COL26A1: variants seen among roughly 807,000 people sequenced by gnomAD.
The protein encoded by COL26A1 is collagen alpha-1(XXVI) chain.
A neutral mutation model predicts 59.3 loss-of-function variants in COL26A1; 41 were observed. The observed-to-expected ratio is 0.69, with a 90% CI of 0.54 to 0.90. COL26A1 has a LOEUF of 0.90. COL26A1 is among the 40% of genes least tolerant of loss of function. The pLI is 0.00. For missense variants in COL26A1, 612 were observed against 602.3 expected (o/e 1.02, Z -0.17); for synonymous variants, 266 against 256.0 (o/e 1.04, Z -0.37).
intron 7 of COL26A1, 26 bp from the exon 8 acceptor site, chr7:101,547,130 C>T: frequency 6.5e-7 from 1 of 1,544,622 alleles, no homozygotes; most frequent in Non-Finnish European, 8.8e-7. Flanking sequence ...CCCACCAGAC[C>T]CCTGGCCGCT....
chr7:101,385,850 G>A (rs1357790092), intron 1 of COL26A1, among the ~76,000 whole-genome samples: 3 of 151,810 alleles, frequency 2.0e-5, no homozygotes, highest in African/African-American at 7.3e-5. Flanking sequence ...GACTACAGGC[G>A]CCCACCACCA....
rs975287225 is a variant in COL26A1, at chr7:101,414,312, C to T, written c.159-5665C>T. The stretch of plus-strand genomic sequence containing the variant: ...AGTGTGGTTCAGAGATGCTGGACGA[C>T]GGCCTGTCTGTTCTAGAACCCTCGG... On this transcript the variant is annotated intron_variant, in intron 1 of 12. Coordinates refer to ENST00000313669, the MANE Select transcript of COL26A1 (RefSeq NM_001278563.3). 3.9e-5 allele frequency among the ~76,000 whole-genome samples: 6 copies of T among 152,178 alleles called. No individual in the cohort carries two copies. In the East Asian group the frequency reaches 5.8e-4, roughly 15 times the overall value.
chr7:101,493,783 AT>A (rs1794519906), intron 3 of COL26A1, among the ~76,000 whole-genome samples: 1 of 139,574 alleles, frequency 7.2e-6, no homozygotes, highest in Non-Finnish European at 1.6e-5. Flanking sequence ...AAAAAAAAAA[AT>A]TAGCCGGGCG....
intron 1 of COL26A1, among the ~76,000 whole-genome samples, chr7:101,378,914 T>A (rs1487035257): frequency 1.3e-5 from 2 of 152,014 alleles, no homozygotes; most frequent in Admixed American, 1.3e-4. Context: ...TGTTGCAGGA[T>A]GTCTGCGGCT....
At position 101,551,238 on chromosome 7, in the gene COL26A1, T is replaced by TTGGGGGGGGGGC; in HGVS notation, c.1029+96_1029+97insGGGGGGGGGGCT. On this transcript the variant is annotated intron_variant, in intron 10 of 12. Coordinates refer to ENST00000313669, the MANE Select transcript of COL26A1 (RefSeq NM_001278563.3). The stretch of plus-strand genomic sequence containing the variant: ...TGGGTGGCGGGGGTTGGTGGGGGGG[T>TTGGGGGGGGGGC]TCAGCCCTGGGTGGCCCTGCTGGAG... 5 of 491,350 alleles carry TTGGGGGGGGGGC rather than the reference T, an allele frequency of 1.0e-5. No homozygotes were observed. In the East Asian group the frequency reaches 1.6e-4, roughly 15 times the overall value. The allele number at this position is 491,350 out of a possible 1,614,324, so 30.4% of individuals were successfully genotyped here. A position where few individuals can be genotyped will look rare whatever the true frequency, so the allele number is the denominator to read the frequency against.
intron 1 of COL26A1, among the ~76,000 whole-genome samples, chr7:101,390,452 G>T (rs558452863): frequency 1.3e-5 from 2 of 152,082 alleles, no homozygotes; most frequent in Non-Finnish European, 2.9e-5. Context: ...GTGAGACAGG[G>T]TCTTGCTCTG....
At chr7:101,392,926 C>T (rs193184802) in intron 1 of COL26A1, among the ~76,000 whole-genome samples, 1 of 150,334 alleles carries the variant, frequency 6.7e-6, no homozygotes, top group Non-Finnish European at 1.5e-5. Flanking sequence ...GAATATGCTA[C>T]TTTACATGGT....
At chr7:101,497,365 G>C (rs1419717196) in intron 3 of COL26A1, among the ~76,000 whole-genome samples, 1 of 152,104 alleles carries the variant, frequency 6.6e-6, no homozygotes, top group East Asian at 1.9e-4. Context: ...CAGGCGCTGG[G>C]CTGAGCCTCT....
At chr7:101,490,091 C>G (rs1319301720) in intron 3 of COL26A1, among the ~76,000 whole-genome samples, 1 of 151,194 alleles carries the variant, frequency 6.6e-6, no homozygotes, top group East Asian at 2.0e-4. Flanking sequence ...CACCTGCCAC[C>G]ACACATGGGT....
intron 4 of COL26A1, 32 bp from the exon 5 acceptor site, chr7:101,539,860 CT>C: frequency 6.3e-7 from 1 of 1,595,540 alleles, no homozygotes; most frequent in Non-Finnish European, 8.5e-7. Flanking sequence ...TCAGGCCCAA[CT>C]GGGACCTGAC....
At chr7:101,462,620 A>G (rs1365345701) in intron 3 of COL26A1, among the ~76,000 whole-genome samples, 2 of 152,102 alleles carry the variant, frequency 1.3e-5, no homozygotes, top group African/African-American at 4.8e-5. Flanking sequence ...CCCGGCCTTA[A>G]CTTCATGTAT....
chr7:101,404,862 ACTGCACCCCAGC>A (rs1284236240), intron 1 of COL26A1, among the ~76,000 whole-genome samples: 2 of 152,206 alleles, frequency 1.3e-5, no homozygotes, highest in East Asian at 3.8e-4. Context: ...TGATCATGCC[ACTGCACCCCAGC>A]CTGGGTCACA....
At chr7:101,386,224 C>A (rs1791570698) in intron 1 of COL26A1, among the ~76,000 whole-genome samples, 1 of 149,898 alleles carries the variant, frequency 6.7e-6, no homozygotes, top group Non-Finnish European at 1.5e-5. Flanking sequence ...AGTGTCTGCC[C>A]TGAGCAGGCC....
rs555078724 is a variant in COL26A1, at chr7:101,535,099, C to T, written c.447+1956C>T. Among the ~76,000 whole-genome samples, 22 of 152,298 alleles carry T rather than the reference C, an allele frequency of 1.4e-4. 1 individual carries two copies. The South Asian group carries it at 4.3e-3, about 30-fold the overall frequency. On this transcript the variant is annotated intron_variant, in intron 4 of 12. Coordinates refer to ENST00000313669, the MANE Select transcript of COL26A1 (RefSeq NM_001278563.3). ...CCTTGTCCTCCAGCCCTTCCATGGG[C>T]GGGCAGGGTCTCCCAGCAGCCCAGG...
chr7:101,418,503 C>G (rs930025123), intron 1 of COL26A1, among the ~76,000 whole-genome samples: 1 of 152,216 alleles, frequency 6.6e-6, no homozygotes, highest in Non-Finnish European at 1.5e-5. Context: ...GGGTCTCGCT[C>G]TGTCACCCAG....
intron 1 of COL26A1, among the ~76,000 whole-genome samples, chr7:101,367,359 G>C (rs10227033): frequency 0.031 from 4,718 of 152,030 alleles, 225 homozygotes; most frequent in African/African-American, 0.11. Context: ...ATTTGATTAG[G>C]GATGTTATAA....
intron 3 of COL26A1, among the ~76,000 whole-genome samples, chr7:101,482,015 T>C (rs1032165623): frequency 6.6e-6 from 1 of 151,916 alleles, no homozygotes; most frequent in South Asian, 2.1e-4. Flanking sequence ...ATGTACTCTT[T>C]TTCCTTTTTT....
chr7:101,370,752 A>G (rs567481523), intron 1 of COL26A1, among the ~76,000 whole-genome samples: 2 of 152,224 alleles, frequency 1.3e-5, no homozygotes, highest in South Asian at 4.1e-4. Context: ...TCTAAGCCAA[A>G]GTGCTTGGTG....
chr7:101,372,454 A>C (rs1473431157), intron 1 of COL26A1, among the ~76,000 whole-genome samples: 1 of 150,684 alleles, frequency 6.6e-6, no homozygotes, highest in African/African-American at 2.4e-5. Context: ...GAGCCACCGC[A>C]CCTGGCCTTC....
Sources: allele counts gnomAD v4.1 joint callset (sites outside exome capture counted in the v4.1 genomes callset), GRCh38; gene constraint gnomAD v4.1.1; transcripts MANE v1.5; gene names NCBI Gene and HGNC (gene_info 2026-07-23, HGNC 2026-07-21).